The following TET3 variants were observed in gnomAD, a reference collection of about 807,000 sequenced individuals.
The protein encoded by TET3 is methylcytosine dioxygenase TET3.
Under a neutral mutation model 141.4 loss-of-function variants are expected in TET3, and 19 were observed. The ratio of observed to expected loss-of-function variants is 0.13; its 90% CI spans 0.09 to 0.20. The LOEUF (loss-of-function observed/expected upper bound fraction) is 0.20. TET3 is among the 10% of genes least tolerant of loss of function. TET3 has a pLI of 1.00. For missense variants in TET3, 1,874 were observed against 2,356.9 expected (o/e 0.80, Z 4.24); for synonymous variants, 1,043 against 980.9 (o/e 1.06, Z -1.18).
intron 3 of TET3, among the ~76,000 whole-genome samples, chr2:74,021,946 CT>C (rs1403026994): frequency 3.3e-5 from 5 of 151,936 alleles, no homozygotes; most frequent in Admixed American, 6.6e-5. Flanking sequence ...ATAGTTAAAA[CT>C]TTTTTTTGCC....
At position 74,025,121 on chromosome 2, in the gene TET3, G is replaced by A. The variant is rs569078923; in HGVS notation, c.361-21157G>A. On this transcript the variant is annotated intron_variant, in intron 3 of 11. Coordinates refer to ENST00000409262, the MANE Select transcript of TET3 (RefSeq NM_001287491.2). ...TGCCTGTGGTCCCAGCTGCTCAGGA[G>A]GCTGAGGCAGGAGAATGGCGTGAAC... Among the ~76,000 whole-genome samples, 15 of 150,814 alleles carry A rather than the reference G, an allele frequency of 9.9e-5. No individual in the cohort carries two copies. The South Asian group carries it at 3.2e-3, about 32-fold the overall frequency.
At chr2:74,049,504 GC>G (rs1687825758) in intron 4 of TET3, among the ~76,000 whole-genome samples, 1 of 152,092 alleles carries the variant, frequency 6.6e-6, no homozygotes, top group Admixed American at 6.6e-5. Context: ...GGTCCACTCG[GC>G]CCCCACACTC....
At chr2:74,045,646 C>A (rs1242283582) in intron 3 of TET3, among the ~76,000 whole-genome samples, 1 of 152,172 alleles carries the variant, frequency 6.6e-6, no homozygotes, top group Non-Finnish European at 1.5e-5. Flanking sequence ...GTCAGATCAT[C>A]GGCGTTTCCC....
At chr2:74,011,227 C>CAAAAA (rs34155044) in intron 3 of TET3, among the ~76,000 whole-genome samples, 12 of 94,352 alleles carry the variant, frequency 1.3e-4, no homozygotes, top group African/African-American at 3.7e-4. Flanking sequence ...GACTCCGTTT[C>CAAAAA]AAAAAAAAAA....
At chr2:74,099,137 A>G in intron 10 of TET3, 139 bp from the exon 11 acceptor site, 1 of 762,812 alleles carries the variant, frequency 1.3e-6, no homozygotes, top group Non-Finnish European at 2.1e-6. Context: ...TGCTTTCCAC[A>G]AACTCTTGGA....
At chr2:74,084,132 C>G (rs2104021849) in intron 6 of TET3, among the ~76,000 whole-genome samples, 1 of 152,328 alleles carries the variant, frequency 6.6e-6, no homozygotes, top group Middle Eastern at 3.4e-3. Flanking sequence ...AAGCACCGTT[C>G]TTGCCGTGCC....
intron 5 of TET3, among the ~76,000 whole-genome samples, chr2:74,076,319 GAT>G (rs1689501545): frequency 6.6e-6 from 1 of 151,974 alleles, no homozygotes; most frequent in African/African-American, 2.4e-5. Flanking sequence ...TCATGTAACA[GAT>G]TGCAGTTCCA....
chr2:74,053,192 T>C (rs1573798849), intron 4 of TET3, among the ~76,000 whole-genome samples: 1 of 152,232 alleles, frequency 6.6e-6, no homozygotes, highest in Non-Finnish European at 1.5e-5. Context: ...CTATGTTGAA[T>C]TATTGCAAGT....
At chr2:73,989,556 G>A (rs1013878759) in intron 2 of TET3, among the ~76,000 whole-genome samples, 2 of 152,114 alleles carry the variant, frequency 1.3e-5, no homozygotes, top group Non-Finnish European at 2.9e-5. Flanking sequence ...GGAGAAGGGT[G>A]CAGGGGAATC....
intron 3 of TET3, among the ~76,000 whole-genome samples, chr2:74,040,881 C>T (rs927226750): frequency 1.3e-5 from 2 of 152,092 alleles, no homozygotes; most frequent in African/African-American, 4.8e-5. Flanking sequence ...GGCAACAGAG[C>T]AGCAAGACCC....
the TET3 span, chr2:74,134,597 G>T: frequency 4.6e-6 from 2 of 430,856 alleles, no homozygotes; most frequent in Admixed American, 4.8e-5. Flanking sequence ...GGAGTGGATG[G>T]TCAACCTCCC....
At chr2:74,135,216 G>C in the TET3 span, 1 of 321,092 alleles carries the variant, frequency 3.1e-6, no homozygotes, top group Non-Finnish European at 5.7e-6. Flanking sequence ...AACAGCAATA[G>C]TAAAGGATCT....
At chr2:74,098,991 G>T (rs1189513930) in intron 10 of TET3, among the ~76,000 whole-genome samples, 2 of 152,206 alleles carry the variant, frequency 1.3e-5, no homozygotes, top group Non-Finnish European at 2.9e-5. Context: ...AAGCCTCCAG[G>T]TCCTGGCCAG....
At chr2:74,120,260 A>C in the TET3 span, among the ~76,000 whole-genome samples, 3 of 152,042 alleles carry the variant, frequency 2.0e-5, no homozygotes, top group Admixed American at 6.5e-5. Flanking sequence ...CAGGCTGCAA[A>C]CTCCGCCTCC....
intron 3 of TET3, among the ~76,000 whole-genome samples, chr2:74,034,261 G>A (rs1254200980): frequency 7.0e-6 from 1 of 143,824 alleles, no homozygotes; most frequent in Non-Finnish European, 1.5e-5. Context: ...TTTTTTTTAT[G>A]TATTACTTGA....
chr2:74,133,234 C>T, the TET3 span, among the ~76,000 whole-genome samples: 2 of 152,136 alleles, frequency 1.3e-5, no homozygotes, highest in African/African-American at 4.8e-5. Flanking sequence ...CTCTTCAACC[C>T]GTCTGTCAAT....
chr2:74,011,071 A>G (rs1685402881), intron 3 of TET3, among the ~76,000 whole-genome samples: 1 of 151,922 alleles, frequency 6.6e-6, no homozygotes, highest in Non-Finnish European at 1.5e-5. Flanking sequence ...CCCCGTCTCT[A>G]CTAAAAATTA....
At chr2:74,021,919 T>C (rs1303815073) in intron 3 of TET3, among the ~76,000 whole-genome samples, 8 of 152,218 alleles carry the variant, frequency 5.3e-5, no homozygotes, top group Non-Finnish European at 1.2e-4. Flanking sequence ...ATTTCAGATA[T>C]GATCAAACTC....
At chr2:74,062,177 G>A (rs1409677022) in intron 4 of TET3, among the ~76,000 whole-genome samples, 2 of 152,228 alleles carry the variant, frequency 1.3e-5, no homozygotes, top group African/African-American at 2.4e-5. Context: ...CCGGCACCTC[G>A]GGAGGCCGAG....
Sources: allele counts gnomAD v4.1 joint callset (sites outside exome capture counted in the v4.1 genomes callset), GRCh38; gene constraint gnomAD v4.1.1; transcripts MANE v1.5; gene names NCBI Gene and HGNC (gene_info 2026-07-23, HGNC 2026-07-21).